RNF111: variants seen among roughly 807,000 people sequenced by gnomAD.
The protein encoded by RNF111 is E3 ubiquitin-protein ligase Arkadia.
A neutral mutation model predicts 95.1 loss-of-function variants in RNF111; 17 were observed. That is an observed-to-expected ratio of 0.18 (90% CI 0.12 to 0.27). RNF111 has a LOEUF of 0.27. Ranked by LOEUF, RNF111 falls within the 10% of genes least tolerant of loss-of-function variation. The probability of loss-of-function intolerance (pLI) is 1.00; values close to 1 mark genes in which losing one functional copy is unlikely to be tolerated. For synonymous variants in RNF111, 440 were observed against 414.8 expected (o/e 1.06, Z -0.74); for missense variants, 1,189 against 1,210.4 (o/e 0.98, Z 0.26).
chr15:59,065,888 A>G (rs141550706), intron 5 of RNF111, among the ~76,000 whole-genome samples: 213 of 152,128 alleles, frequency 1.4e-3, no homozygotes, highest in African/African-American at 4.5e-3. Flanking sequence ...GTGTGTGCCT[A>G]TGGTCCCAGC....
intron 6 of RNF111, among the ~76,000 whole-genome samples, chr15:59,075,160 GAC>G (rs2140129288): frequency 6.6e-6 from 1 of 152,218 alleles, no homozygotes; most frequent in South Asian, 2.1e-4. Context: ...ACCAAAATGT[GAC>G]ACAGACACAG....
chr15:59,086,029 A>T (rs1484299999), intron 10 of RNF111, among the ~76,000 whole-genome samples: 2 of 151,878 alleles, frequency 1.3e-5, no homozygotes, highest in African/African-American at 4.9e-5. Flanking sequence ...GTATACCAAG[A>T]TACTCTTAAT....
At chr15:59,081,358 A>T (rs1237442538) in intron 8 of RNF111, 74 bp downstream of exon 8, 1 of 1,279,140 alleles carries the variant, frequency 7.8e-7, no homozygotes, top group African/African-American at 1.5e-5. Flanking sequence ...ACAACTCTGA[A>T]ATCCAACTAG....
chr15:59,083,585 G>A (rs958019680), intron 8 of RNF111, among the ~76,000 whole-genome samples: 3 of 151,266 alleles, frequency 2.0e-5, no homozygotes, highest in Admixed American at 2.0e-4. Context: ...TCCTAGGTGT[G>A]TTAACTTGTA....
intron 1 of RNF111, among the ~76,000 whole-genome samples, chr15:59,005,232 G>T (rs2039487326): frequency 1.3e-5 from 2 of 152,054 alleles, no homozygotes; most frequent in South Asian, 4.2e-4. Context: ...CACCTATGTT[G>T]CCTAGGCTGA....
intron 4 of RNF111, among the ~76,000 whole-genome samples, chr15:59,056,857 C>T (rs2042220096): frequency 3.9e-5 from 6 of 151,960 alleles, no homozygotes; most frequent in South Asian, 2.1e-4. Flanking sequence ...TTTTGTGTTC[C>T]GATGTGACAC....
chr15:59,077,277 A>G (rs1419201564), intron 7 of RNF111, among the ~76,000 whole-genome samples: 6 of 152,170 alleles, frequency 3.9e-5, no homozygotes, highest in Non-Finnish European at 7.4e-5. Flanking sequence ...TAAAAATAAT[A>G]TACTGAAGCA....
chr15:59,068,748 T>C (rs143743648), intron 6 of RNF111, among the ~76,000 whole-genome samples: 5 of 152,238 alleles, frequency 3.3e-5, no homozygotes, highest in African/African-American at 9.6e-5. Context: ...TTTTAAAATT[T>C]TGATGGTATG....
chr15:59,031,667 G>A lies in RNF111; in HGVS notation c.845G>A (p.Ser282Asn), dbSNP rs1418140501. The A allele has an allele frequency of 4.3e-6, 7 of 1,613,998 alleles. No homozygotes were observed. The highest frequency in any genetic ancestry group is 5.1e-6 in the Non-Finnish European group (6 of 1,179,984). ...EGEEDLFVSA[S>N]ENHQNNPAVP... ...GAAGAAGATTTGTTTGTTTCTGCCA[G>A]TGAAAACCACCAAAACAATCCAGCT... is the stretch of plus-strand genomic sequence containing the variant. The change falls in exon 2 of 14, where the codon AGT becomes AAT. Residue 282 changes from serine (S) to asparagine (N), a missense_variant. Around this residue, in one of 2 missense-constraint regions of RNF111, gnomAD observed 1,024 missense variants for 925.9 expected, o/e 1.11. Transcript: ENST00000348370.
At chr15:58,998,469 G>A (rs2039181549) in intron 1 of RNF111, among the ~76,000 whole-genome samples, 1 of 152,122 alleles carries the variant, frequency 6.6e-6, no homozygotes, top group African/African-American at 2.4e-5. Flanking sequence ...TCTTGGGAAG[G>A]TTGTTACAGG....
intron 1 of RNF111, among the ~76,000 whole-genome samples, chr15:58,995,321 T>A (rs1311171839): frequency 1.3e-5 from 2 of 152,242 alleles, no homozygotes; most frequent in Non-Finnish European, 2.9e-5. Context: ...TTTTATCTGA[T>A]TAATACAGAA....
chr15:59,064,318 G>A (rs2042562302), intron 5 of RNF111, among the ~76,000 whole-genome samples: 3 of 151,946 alleles, frequency 2.0e-5, no homozygotes, highest in Non-Finnish European at 4.4e-5. Flanking sequence ...GGTGGATCAC[G>A]AGGTCAGGAG....
Position 59,030,973 on chromosome 15 carries a change from G to T in RNF111, c.151G>T (p.Ala51Ser). 6.2e-7 allele frequency: 1 copy of T among 1,614,164 alleles called. No individual in the cohort carries two copies. The highest frequency in any genetic ancestry group is 8.5e-7 in the Non-Finnish European group (1 of 1,180,032). The stretch of plus-strand genomic sequence containing the variant: ...CATTGGGGCAGCCAAAAGTTTTCCT[G>T]CAGGAGTTGAGATGATTAATAGTAA... ...EPIGAAKSFP[A>S]GVEMINSKVG... The change falls in exon 2 of 14, where the codon GCA (alanine) becomes TCA (serine). Residue 51 changes from alanine (A) to serine (S), a missense_variant. By Grantham distance (99) the Ala-to-Ser change is moderately conservative. Coordinates refer to ENST00000348370, the MANE Select transcript of RNF111 (RefSeq NM_017610.8).
intron 1 of RNF111, among the ~76,000 whole-genome samples, chr15:59,011,780 C>T (rs2039826641): frequency 6.6e-6 from 1 of 152,062 alleles, no homozygotes; most frequent in African/African-American, 2.4e-5. Flanking sequence ...TCTCTAAATA[C>T]AGACACATTT....
chr15:59,015,517 T>C (rs1471608766), intron 1 of RNF111, among the ~76,000 whole-genome samples: 1 of 152,118 alleles, frequency 6.6e-6, no homozygotes, highest in Non-Finnish European at 1.5e-5. Flanking sequence ...ACTTTCCCTC[T>C]AGCCTGTTCC....
At chr15:59,034,086 A>G (rs1488478894) in intron 2 of RNF111, among the ~76,000 whole-genome samples, 1 of 152,218 alleles carries the variant, frequency 6.6e-6, no homozygotes, top group Non-Finnish European at 1.5e-5. Flanking sequence ...GTAGTTTCTT[A>G]TCTCCTTCAG....
At chr15:58,989,281 T>C (rs1280607057) in intron 1 of RNF111, among the ~76,000 whole-genome samples, 2 of 152,252 alleles carry the variant, frequency 1.3e-5, no homozygotes, top group African/African-American at 4.8e-5. Context: ...GAAGCCCTTT[T>C]ACTTTTACAA....
intron 3 of RNF111, 138 bp downstream of exon 3, chr15:59,052,569 ATTTTTTTTTTTTT>A: frequency 4.0e-6 from 1 of 248,818 alleles, no homozygotes; most frequent in Admixed American, 6.3e-5. Flanking sequence ...AGATTAGTGG[ATTTTTTTTTTTTT>A]TTTTTTTTTG....
At chr15:59,020,298 A>G (rs2040274158) in intron 1 of RNF111, among the ~76,000 whole-genome samples, 1 of 151,204 alleles carries the variant, frequency 6.6e-6, no homozygotes, top group Non-Finnish European at 1.5e-5. Flanking sequence ...TATATATTGT[A>G]ATATATAGTA....
Sources: allele counts gnomAD v4.1 joint callset (sites outside exome capture counted in the v4.1 genomes callset), GRCh38; gene constraint gnomAD v4.1.1; regional missense constraint gnomAD v4.1.1; transcripts MANE v1.5; gene names NCBI Gene and HGNC (gene_info 2026-07-23, HGNC 2026-07-21).